Variants in FGD5 observed in about 807,000 individuals in gnomAD.
The protein encoded by FGD5 is FYVE, RhoGEF and PH domain-containing protein 5.
A neutral mutation model predicts 133.4 loss-of-function variants in FGD5; 28 were observed. That is an observed-to-expected ratio of 0.21 (90% CI 0.16 to 0.29). The LOEUF is 0.29. FGD5 is among the 10% of genes least tolerant of loss of function. The pLI is 1.00. For synonymous variants in FGD5, 810 were observed against 776.5 expected (o/e 1.04, Z -0.72); for missense variants, 1,858 against 1,895.2 (o/e 0.98, Z 0.36).
At chr3:14,851,942 A>G (rs2037172645) in intron 1 of FGD5, among the ~76,000 whole-genome samples, 1 of 151,508 alleles carries the variant, frequency 6.6e-6, no homozygotes, top group African/African-American at 2.4e-5. Flanking sequence ...AAAAAGGCAG[A>G]CAATAACAAG....
intron 2 of FGD5, among the ~76,000 whole-genome samples, chr3:14,869,577 C>G (rs1354893063): frequency 2.0e-5 from 3 of 152,308 alleles, no homozygotes; most frequent in South Asian, 2.1e-4. Flanking sequence ...AACTCTGCCC[C>G]CTTTAGACAC....
chr3:14,830,849 G>C (rs2036693430), intron 1 of FGD5, among the ~76,000 whole-genome samples: 1 of 152,210 alleles, frequency 6.6e-6, no homozygotes, highest in Admixed American at 6.5e-5. Flanking sequence ...TCTGAGCCGG[G>C]TGCTGCTCTC....
chr3:14,900,463 G>A lies in FGD5; in HGVS notation c.3205+10G>A, dbSNP rs1436354892. ...TACGACAACACACAGGGTGAGTCCA[G>A]CGTGAATGCGGAGGGAGGTACTCAA... On this transcript the variant is annotated intron_variant, in intron 8 of 19. Coordinates refer to ENST00000285046, the MANE Select transcript of FGD5 (RefSeq NM_152536.4). 8.7e-6 allele frequency: 14 copies of A among 1,612,726 alleles called. No individual in the cohort carries two copies. The Admixed American group carries it at 1.0e-4, about 12-fold the overall frequency.
At chr3:14,880,310 C>T (rs937764457) in intron 2 of FGD5, among the ~76,000 whole-genome samples, 3 of 152,080 alleles carry the variant, frequency 2.0e-5, no homozygotes, top group East Asian at 3.8e-4. Flanking sequence ...ACTGAGATCA[C>T]GCCACTGCAC....
chr3:14,840,575 A>G (rs2036902842), intron 1 of FGD5, among the ~76,000 whole-genome samples: 1 of 152,072 alleles, frequency 6.6e-6, no homozygotes, highest in Non-Finnish European at 1.5e-5. Context: ...GCACAGGCAG[A>G]TCCACTCCCG....
chr3:14,829,426 G>A (rs890755870), intron 1 of FGD5, among the ~76,000 whole-genome samples: 2 of 152,162 alleles, frequency 1.3e-5, no homozygotes, highest in African/African-American at 4.8e-5. Context: ...GTGAAGAGAT[G>A]GTTGTAGTGG....
intron 1 of FGD5, among the ~76,000 whole-genome samples, chr3:14,813,262 A>T (rs1488491669): frequency 6.6e-6 from 1 of 152,188 alleles, no homozygotes; most frequent in Non-Finnish European, 1.5e-5. Context: ...GCCCAAGATC[A>T]CAGAGCTGAC....
Position 14,916,335 on chromosome 3 carries a change from C to T in FGD5, c.3406-914C>T, listed in dbSNP as rs138672266. Among the ~76,000 whole-genome samples the T allele has an allele frequency of 1.9e-4, 29 of 152,288 alleles. No homozygotes were observed. In the East Asian group the frequency reaches 3.1e-3, roughly 16 times the overall value. On this transcript the variant is annotated intron_variant, in intron 11 of 19. Coordinates refer to ENST00000285046, the MANE Select transcript of FGD5 (RefSeq NM_152536.4). ...GATGTCATCTTCTCACACCTGAAAC[C>T]GTTTAGCTAACCAGAAATACTCTCT...
chr3:14,877,910 T>C (rs1337571244), intron 2 of FGD5, among the ~76,000 whole-genome samples: 1 of 152,182 alleles, frequency 6.6e-6, no homozygotes, highest in African/African-American at 2.4e-5. Flanking sequence ...AAGCCAGGGA[T>C]GCCATTAGTT....
Position 14,880,579 on chromosome 3 carries a change from G to A in FGD5, c.2666G>A (p.Gly889Glu), listed in dbSNP as rs2037806039. Residue 889 changes from glycine (G) to glutamate (E), a missense_variant, in exon 3 of 20, where the codon GGA (glycine) becomes GAA (glutamate). Around this residue, in one of 3 missense-constraint regions of FGD5, gnomAD observed 1,824 missense variants for 1,848.9 expected, o/e 0.99. Coordinates refer to ENST00000285046, the MANE Select transcript of FGD5 (RefSeq NM_152536.4). The stretch of plus-strand genomic sequence containing the variant: ...CTCTCTTTCCTCCCACAGGTGGAAG[G>A]ACAGTCCAGAGCCCTTGTCATCGCA... ...RDPSVTHKVE[G>E]QSRALVIAQE... 2 of 1,613,716 alleles carry A rather than the reference G, an allele frequency of 1.2e-6. No individual in the cohort carries two copies. Among genetic ancestry groups the A allele is most frequent in the African/African-American group, 2.7e-5 (2 of 74,896 alleles).
chr3:14,863,039 G>T (rs888629931), intron 1 of FGD5, among the ~76,000 whole-genome samples: 2 of 152,060 alleles, frequency 1.3e-5, no homozygotes, highest in Admixed American at 6.5e-5. Flanking sequence ...TCCCCCACCC[G>T]CCTCACTTCC....
chr3:14,835,375 C>A (rs1262815051), intron 1 of FGD5, among the ~76,000 whole-genome samples: 1 of 152,104 alleles, frequency 6.6e-6, no homozygotes, highest in African/African-American at 2.4e-5. Context: ...TGGTGCATGC[C>A]TGTAGTTCCA....
intron 1 of FGD5, among the ~76,000 whole-genome samples, chr3:14,843,033 G>A (rs1225962282): frequency 2.6e-5 from 4 of 152,154 alleles, no homozygotes; most frequent in African/African-American, 9.7e-5. Context: ...ATCAAATGAA[G>A]CCTTATATTT....
rs1170491228 is a variant in FGD5 at position 14,821,271 on chromosome 3, C to T, written c.2200C>T (p.Pro734Ser). ...FYRDGKRKGV[P>S]FSRTVSRVES... is the part of the protein sequence containing the mutation. ...TAGAGATGGCAAGAGGAAAGGTGTC[C>T]CCTTCAGCAGGACGGTGTCCAGAGT... Residue 734 changes from proline to serine, a missense_variant, in exon 1 of 20, where the codon CCC (proline) becomes TCC (serine). Pro to Ser is a moderately conservative substitution (Grantham distance 74). Around this residue, in one of 3 missense-constraint regions of FGD5, gnomAD observed 1,824 missense variants for 1,848.9 expected, o/e 0.99. Transcript: ENST00000285046. 1.2e-6 allele frequency: 2 copies of T among 1,613,932 alleles called. No individual in the cohort carries two copies. The highest frequency in any genetic ancestry group is 1.7e-6 in the Non-Finnish European group (2 of 1,179,882).
chr3:14,878,216 T>C (rs1174690914), intron 2 of FGD5, among the ~76,000 whole-genome samples: 1 of 152,160 alleles, frequency 6.6e-6, no homozygotes, highest in Non-Finnish European at 1.5e-5. Flanking sequence ...GGTTATTCTC[T>C]ACCAGATCTC....
intron 1 of FGD5, among the ~76,000 whole-genome samples, chr3:14,859,811 A>G (rs1475981071): frequency 6.6e-6 from 1 of 152,090 alleles, no homozygotes; most frequent in African/African-American, 2.4e-5. Flanking sequence ...ATTTAGTGAT[A>G]TCTGAATTTG....
rs1161052045 is a variant in FGD5 at position 14,821,340 on chromosome 3, C to T, written c.2269C>T (p.Pro757Ser). 1.4e-5 allele frequency: 22 copies of T among 1,614,008 alleles called. No individual in the cohort carries two copies. Among genetic ancestry groups the T allele is most frequent in the Non-Finnish European group, 1.8e-5 (21 of 1,179,892 alleles). ...CTCCCGGCCGCCCTTCCTGCCCTTG[C>T]CACTGACCAAGCCACGGTCCATCTC... Reference protein sequence around the residue: ...DRSRPPFLPLPLTKPRSISFP... With the variant: ...DRSRPPFLPLSLTKPRSISFP... The change falls in exon 1 of 20, where the codon CCA becomes TCA. Residue 757 changes from proline (P) to serine (S), a missense_variant. Pro to Ser is a moderately conservative substitution (Grantham distance 74). Transcript: ENST00000285046.
intron 1 of FGD5, among the ~76,000 whole-genome samples, chr3:14,861,286 A>G (rs1454442279): frequency 6.6e-6 from 1 of 152,210 alleles, no homozygotes; most frequent in Non-Finnish European, 1.5e-5. Context: ...GTCTGATGTT[A>G]TGTAACTCAC....
intron 4 of FGD5, among the ~76,000 whole-genome samples, chr3:14,894,924 C>CTTG (rs34642285): frequency 0.84 from 127,872 of 151,836 alleles, 54,041 homozygotes; most frequent in East Asian, 0.98. Flanking sequence ...GAGATGATAC[C>CTTG]TTGTAGTTTT....
Sources: gnomAD v4.1 joint callset for allele counts (sites outside exome capture counted in the v4.1 genomes callset) on GRCh38, gnomAD v4.1.1 for gene constraint, gnomAD v4.1.1 regional missense constraint, MANE v1.5 for transcripts, NCBI Gene and HGNC (gene_info 2026-07-23, HGNC 2026-07-21) for gene names.